Variants in PLEKHM3 observed in about 807,000 individuals in gnomAD.
PLEKHM3 encodes pleckstrin homology domain containing M3, also known as pleckstrin homology domain-containing family M member 3.
PLEKHM3 carries 45 observed loss-of-function variants against 81.8 expected under a neutral mutation model. The ratio of observed to expected loss-of-function variants is 0.55; its 90% CI spans 0.43 to 0.71. The LOEUF (loss-of-function observed/expected upper bound fraction) is 0.71. Ranked by LOEUF, PLEKHM3 falls within the 30% of genes least tolerant of loss-of-function variation. The pLI, the probability that PLEKHM3 is intolerant of heterozygous loss-of-function variation, is 0.00. For missense variants in PLEKHM3, 788 were observed against 924.3 expected, an observed-to-expected ratio of 0.85 and a Z score of 1.91; for synonymous variants, 352 against 356.4, an observed-to-expected ratio of 0.99 and a Z score of 0.14.
intron 3 of PLEKHM3, among the ~76,000 whole-genome samples, chr2:207,955,824 T>C (rs1690487464): frequency 6.6e-6 from 1 of 152,202 alleles, no homozygotes. Context: ...AGCTCATCAA[T>C]GAATATAGCC....
chr2:207,991,149 A>C (rs1574473796), intron 2 of PLEKHM3, among the ~76,000 whole-genome samples: 1 of 152,256 alleles, frequency 6.6e-6, no homozygotes, highest in Non-Finnish European at 1.5e-5. Context: ...TTTTGGACCC[A>C]GGAAACAATT....
intron 1 of PLEKHM3, among the ~76,000 whole-genome samples, chr2:208,010,841 T>G (rs929818807): frequency 6.6e-6 from 1 of 152,170 alleles, no homozygotes; most frequent in African/African-American, 2.4e-5. Context: ...GTTTATCTAA[T>G]TATCTCACAA....
intron 6 of PLEKHM3, among the ~76,000 whole-genome samples, chr2:207,896,858 T>G (rs961841648): frequency 6.6e-5 from 10 of 152,194 alleles, no homozygotes; most frequent in Non-Finnish European, 8.8e-5. Context: ...GACTCCATGG[T>G]TTTCTTTAAG....
Position 207,985,309 on chromosome 2 carries a change from A to T in PLEKHM3, c.611-7723T>A, listed in dbSNP as rs371923691. ...TCATCCATTCCTGAAGGCTTTCTTCATCCCTTCTAGTTGAAAACAACTGTC... is the reference window on the plus strand; with the variant it reads ...TCATCCATTCCTGAAGGCTTTCTTCTTCCCTTCTAGTTGAAAACAACTGTC... On this transcript the variant is annotated intron_variant, in intron 2 of 7. Coordinates refer to ENST00000427836, the MANE Select transcript of PLEKHM3 (RefSeq NM_001080475.3). 4.6e-5 allele frequency among the ~76,000 whole-genome samples: 7 copies of T among 151,840 alleles called. No homozygotes were observed. In the East Asian group the frequency reaches 7.8e-4, roughly 17 times the overall value.
intron 2 of PLEKHM3, 32 bp from the exon 3 acceptor site, chr2:207,977,618 T>G: frequency 6.5e-7 from 1 of 1,538,426 alleles, no homozygotes; most frequent in South Asian, 1.3e-5. Context: ...AAGTATTGAT[T>G]AGAATTAGTT....
intron 6 of PLEKHM3, among the ~76,000 whole-genome samples, chr2:207,896,475 G>C (rs1688226596): frequency 6.6e-6 from 1 of 152,228 alleles, no homozygotes; most frequent in Admixed American, 6.5e-5. Flanking sequence ...CTTTTACAAA[G>C]TGATGAGAAA....
At chr2:207,844,555 C>T (rs2092373219) in intron 7 of PLEKHM3, among the ~76,000 whole-genome samples, 1 of 152,068 alleles carries the variant, frequency 6.6e-6, no homozygotes, top group South Asian at 2.1e-4. Context: ...ATCCACCCGC[C>T]TAGGCCTCCC....
At chr2:207,977,979 C>G (rs143178051) in intron 2 of PLEKHM3, among the ~76,000 whole-genome samples, 2 of 152,082 alleles carry the variant, frequency 1.3e-5, no homozygotes, top group Non-Finnish European at 2.9e-5. Context: ...CCTAGCTACT[C>G]AGGAGGCTGA....
At chr2:207,974,307 G>A (rs1691227438) in intron 3 of PLEKHM3, among the ~76,000 whole-genome samples, 1 of 152,070 alleles carries the variant, frequency 6.6e-6, no homozygotes, top group South Asian at 2.1e-4. Flanking sequence ...TGAGCTTGCT[G>A]AATGGCACCT....
intron 5 of PLEKHM3, among the ~76,000 whole-genome samples, chr2:207,915,634 T>C (rs1471210562): frequency 6.6e-6 from 1 of 152,204 alleles, no homozygotes; most frequent in Non-Finnish European, 1.5e-5. Flanking sequence ...TATCTCATCT[T>C]AGGCTTTAAA....
chr2:207,992,706 T>C (rs1413073907), intron 2 of PLEKHM3, among the ~76,000 whole-genome samples: 2 of 151,158 alleles, frequency 1.3e-5, no homozygotes, highest in Non-Finnish European at 2.9e-5. Flanking sequence ...AAATGTGCCA[T>C]GGGAACATAA....
chr2:207,930,952 T>G lies in PLEKHM3; in HGVS notation c.1860A>C (p.Ala620=), dbSNP rs780900614. 3.2e-5 allele frequency: 51 copies of G among 1,613,394 alleles called. No individual in the cohort carries two copies. The Admixed American group carries it at 8.2e-4, about 26-fold the overall frequency. ...TGCGGCGGAGATCCTCTGCCACCGC[T>G]GCCCGGCAGCTGAACAAATAGGCTC... The part of the protein sequence containing the change: ...SLRAYLFSCR[A]AVAEDLRRRI... The change falls in exon 5 of 8, where the codon GCA becomes GCC. Residue 620 remains alanine (A), a synonymous_variant. Coordinates refer to ENST00000427836, the MANE Select transcript of PLEKHM3 (RefSeq NM_001080475.3).
intron 1 of PLEKHM3, among the ~76,000 whole-genome samples, chr2:208,013,337 G>A (rs561698980): frequency 3.6e-4 from 54 of 151,848 alleles, no homozygotes; most frequent in African/African-American, 9.2e-4. Context: ...CCAACATAGC[G>A]AAACCCCATC....
chr2:207,960,004 A>C (rs1165661793), intron 3 of PLEKHM3, among the ~76,000 whole-genome samples: 1 of 152,160 alleles, frequency 6.6e-6, no homozygotes, highest in Non-Finnish European at 1.5e-5. Flanking sequence ...ACTACCTCCA[A>C]AGCTAATCTT....
chr2:207,940,954 C>T (rs1371700408), intron 4 of PLEKHM3, among the ~76,000 whole-genome samples: 3 of 152,154 alleles, frequency 2.0e-5, no homozygotes, highest in African/African-American at 7.2e-5. Flanking sequence ...TATTCATATT[C>T]ATATTTCATA....
intron 1 of PLEKHM3, among the ~76,000 whole-genome samples, chr2:208,003,448 T>A (rs969225316): frequency 6.6e-6 from 1 of 152,226 alleles, no homozygotes; most frequent in East Asian, 1.9e-4. Context: ...TACATTTATA[T>A]CAACAGCACC....
chr2:208,014,580 G>A (rs1042509999), intron 1 of PLEKHM3, among the ~76,000 whole-genome samples: 1 of 152,242 alleles, frequency 6.6e-6, no homozygotes, highest in African/African-American at 2.4e-5. Context: ...GGAGGCAGAG[G>A]TTGCAGTGGG....
chr2:207,867,671 TAATA>T (rs2092508653), intron 6 of PLEKHM3, among the ~76,000 whole-genome samples: 2 of 152,054 alleles, frequency 1.3e-5, no homozygotes, highest in South Asian at 4.1e-4. Context: ...ATTTTATATA[TAATA>T]CATACATAAA....
At chr2:208,013,325 G>A (rs1692762541) in intron 1 of PLEKHM3, among the ~76,000 whole-genome samples, 1 of 151,966 alleles carries the variant, frequency 6.6e-6, no homozygotes, top group African/African-American at 2.4e-5. Flanking sequence ...AGATCAGCCT[G>A]GCCAACATAG....
Sources: allele counts gnomAD v4.1 joint callset (sites outside exome capture counted in the v4.1 genomes callset), GRCh38; gene constraint gnomAD v4.1.1; transcripts MANE v1.5; gene names NCBI Gene and HGNC (gene_info 2026-07-23, HGNC 2026-07-21).